The following RIMS2 variants were observed in gnomAD, a reference collection of about 807,000 sequenced individuals.
RIMS2 encodes regulating synaptic membrane exocytosis protein 2.
In RIMS2, 59 loss-of-function variants were observed where a neutral mutation model predicts 174.4. The ratio of observed to expected loss-of-function variants is 0.34; its 90% CI spans 0.27 to 0.42. The LOEUF (loss-of-function observed/expected upper bound fraction) is 0.42. RIMS2 is among the 10% of genes least tolerant of loss of function. The pLI is 1.00. For synonymous variants in RIMS2, 606 were observed against 572.5 expected, an observed-to-expected ratio of 1.06 and a Z score of -0.84; for missense variants, 1,620 against 1,666.3, an observed-to-expected ratio of 0.97 and a Z score of 0.48.
chr8:103,837,339 T>C (rs1373966016), intron 3 of RIMS2, among the ~76,000 whole-genome samples: 1 of 152,236 alleles, frequency 6.6e-6, no homozygotes, highest in Admixed American at 6.5e-5. Context: ...GTTACCTTAT[T>C]GGCTTTTAGC....
At chr8:103,602,059 C>G (rs893181968) in intron 1 of RIMS2, among the ~76,000 whole-genome samples, 8 of 152,082 alleles carry the variant, frequency 5.3e-5, no homozygotes, top group Admixed American at 1.3e-4. Context: ...GATTCTGGCT[C>G]ACTGCCACCT....
At chr8:103,803,027 T>G (rs1417208341) in intron 3 of RIMS2, among the ~76,000 whole-genome samples, 1 of 152,184 alleles carries the variant, frequency 6.6e-6, no homozygotes, top group Non-Finnish European at 1.5e-5. Context: ...TTGAAGCATA[T>G]GTACTTATAT....
chr8:103,521,053 C>T (rs558961369), intron 1 of RIMS2, among the ~76,000 whole-genome samples: 30 of 148,560 alleles, frequency 2.0e-4, no homozygotes, highest in Admixed American at 4.8e-4. Flanking sequence ...CCAAACACTG[C>T]GTGTTCTCAC....
chr8:104,210,756 A>C (rs2099101771), intron 19 of RIMS2, among the ~76,000 whole-genome samples: 2 of 152,170 alleles, frequency 1.3e-5, no homozygotes, highest in Admixed American at 6.5e-5. Flanking sequence ...TCTTTTTCTA[A>C]TTCAAGTTAT....
chr8:104,104,303 T>C (rs2097983671), intron 19 of RIMS2, among the ~76,000 whole-genome samples: 2 of 152,156 alleles, frequency 1.3e-5, no homozygotes, highest in Non-Finnish European at 2.9e-5. Context: ...AGACAAACAG[T>C]TTCAAGAGAC....
At chr8:103,929,561 A>G (rs1057054451) in intron 11 of RIMS2, among the ~76,000 whole-genome samples, 8 of 150,462 alleles carry the variant, frequency 5.3e-5, no homozygotes, top group Admixed American at 2.6e-4. Context: ...CCTCAGAGAA[A>G]GCTTTTTAAT....
chr8:103,600,945 TAATC>T, intron 1 of RIMS2, among the ~76,000 whole-genome samples: 1 of 152,320 alleles, frequency 6.6e-6, no homozygotes, highest in South Asian at 2.1e-4. Flanking sequence ...TCTGATGAAT[TAATC>T]AATGAATCAG....
intron 3 of RIMS2, among the ~76,000 whole-genome samples, chr8:103,867,551 G>A (rs551115860): frequency 6.6e-6 from 1 of 151,826 alleles, no homozygotes; most frequent in Non-Finnish European, 1.5e-5. Context: ...TTGATTAATA[G>A]TTAAGGTAAA....
chr8:104,238,969 C>T (rs1026439251), intron 19 of RIMS2, among the ~76,000 whole-genome samples: 1 of 152,148 alleles, frequency 6.6e-6, no homozygotes, highest in African/African-American at 2.4e-5. Flanking sequence ...TTTCCATAAA[C>T]CATTTTCCAT....
At chr8:104,223,488 G>C (rs1289773847) in intron 19 of RIMS2, 41 of 1,378,258 alleles carry the variant, frequency 3.0e-5, no homozygotes, top group Non-Finnish European at 3.6e-5. Context: ...GGAAAGCCAC[G>C]TCTCCTCCGG....
At chr8:103,652,786 T>C in intron 1 of RIMS2, 76 bp downstream of exon 3, 1 of 907,914 alleles carries the variant, frequency 1.1e-6, no homozygotes, top group Non-Finnish European at 1.6e-6. Context: ...GTTAAAATAC[T>C]GTCCTTGAAA....
At chr8:104,252,593 TCAC>T (rs2099361826), downstream of RIMS2, 3 of 152,240 alleles carry the variant, frequency 2.0e-5, no homozygotes, top group South Asian at 6.2e-4. Context: ...AAAATAAATT[TCAC>T]TAGTGCATGG....
intron 1 of RIMS2, among the ~76,000 whole-genome samples, chr8:103,557,765 T>C (rs556711395): frequency 6.6e-5 from 10 of 152,342 alleles, no homozygotes; most frequent in Non-Finnish European, 1.3e-4. Flanking sequence ...TATAACTAAA[T>C]TGTAACCTTT....
At chr8:103,924,070 G>C (rs868633936) in intron 10 of RIMS2, among the ~76,000 whole-genome samples, 3 of 151,498 alleles carry the variant, frequency 2.0e-5, no homozygotes, top group Middle Eastern at 6.3e-3. Flanking sequence ...TATGAATAAT[G>C]ATACTGTGGA....
In RIMS2 at chr8:103,761,181, T is replaced by G. The variant is rs550140135; in HGVS notation, c.388-5046T>G. 2.0e-5 allele frequency among the ~76,000 whole-genome samples: 3 copies of G among 152,306 alleles called. No homozygotes were observed. The South Asian group carries it at 6.2e-4, about 32-fold the overall frequency. On this transcript the variant is annotated intron_variant, in intron 2 of 23. Transcript: ENST00000504942. Reference sequence around the variant, plus strand: ...CTAACCCACATTACTTCATGGAATGTGGAGTTAGGGAGAAAGCACACAATT... The same window carrying G: ...CTAACCCACATTACTTCATGGAATGGGGAGTTAGGGAGAAAGCACACAATT...
At chr8:104,007,001 GGC>G (rs2095608819) in intron 17 of RIMS2, among the ~76,000 whole-genome samples, 4 of 151,980 alleles carry the variant, frequency 2.6e-5, no homozygotes, top group Non-Finnish European at 5.9e-5. Context: ...GAAATTAACA[GGC>G]TTAGAATAAA....
chr8:103,860,851 A>G (rs558541829), intron 3 of RIMS2, among the ~76,000 whole-genome samples: 1 of 152,238 alleles, frequency 6.6e-6, no homozygotes, highest in Non-Finnish European at 1.5e-5. Flanking sequence ...ATCTTGTACT[A>G]TGACATTCCT....
chr8:103,974,360 G>A (rs1414624531), intron 15 of RIMS2, among the ~76,000 whole-genome samples: 2 of 152,156 alleles, frequency 1.3e-5, no homozygotes, highest in Non-Finnish European at 2.9e-5. Flanking sequence ...CGTAGTAAAA[G>A]GTCAATTACT....
chr8:103,656,802 C>T (rs1439259458), intron 1 of RIMS2, among the ~76,000 whole-genome samples: 1 of 152,082 alleles, frequency 6.6e-6, no homozygotes, highest in Non-Finnish European at 1.5e-5. Context: ...AAAACTTAAA[C>T]TATAATTGAT....
Sources: gnomAD v4.1 joint callset for allele counts (sites outside exome capture counted in the v4.1 genomes callset) on GRCh38, gnomAD v4.1.1 for gene constraint, MANE v1.5 for transcripts, NCBI Gene and HGNC (gene_info 2026-07-23, HGNC 2026-07-21) for gene names.